QTMAN: variants seen among roughly 807,000 people sequenced by gnomAD.
QTMAN encodes the protein queuosine-tRNA mannosyltransferase, also known as tRNA-queuosine alpha-mannosyltransferase.
chr2:144,075,433 C>T, the QTMAN span, among the ~76,000 whole-genome samples: 1 of 152,158 alleles, frequency 6.6e-6, no homozygotes, highest in African/African-American at 2.4e-5. Flanking sequence ...TTCAAGGTCT[C>T]AAGTATTGGC....
chr2:144,010,084 A>G, the QTMAN span, among the ~76,000 whole-genome samples: 5 of 151,912 alleles, frequency 3.3e-5, no homozygotes, highest in East Asian at 1.9e-4. Flanking sequence ...AAAAAGAAAA[A>G]AAAAATCTAT....
the QTMAN span, among the ~76,000 whole-genome samples, chr2:144,231,181 T>C: frequency 6.6e-6 from 1 of 152,166 alleles, no homozygotes; most frequent in Non-Finnish European, 1.5e-5. Context: ...ATGTACCATA[T>C]GGTTAAGGGA....
At chr2:144,244,243 T>G in the QTMAN span, among the ~76,000 whole-genome samples, 2 of 152,228 alleles carry the variant, frequency 1.3e-5, no homozygotes, top group African/African-American at 2.4e-5. Context: ...AGCACTGCTG[T>G]GATCTACGTG....
chr2:144,112,609 T>G, the QTMAN span, among the ~76,000 whole-genome samples: 2 of 152,200 alleles, frequency 1.3e-5, no homozygotes, highest in African/African-American at 2.4e-5. Context: ...CCCAACACCA[T>G]GGCGAAAACC....
chr2:144,171,359 A>G, the QTMAN span, among the ~76,000 whole-genome samples: 5 of 152,172 alleles, frequency 3.3e-5, no homozygotes, highest in Non-Finnish European at 5.9e-5. Flanking sequence ...TATACTGTGT[A>G]AAGAGGTCTG....
the QTMAN span, among the ~76,000 whole-genome samples, chr2:144,107,605 A>G: frequency 2.0e-5 from 3 of 152,234 alleles, no homozygotes; most frequent in Admixed American, 2.0e-4. Flanking sequence ...AATTGAGGCA[A>G]TAATTCATAG....
the QTMAN span, among the ~76,000 whole-genome samples, chr2:144,026,149 C>T: frequency 1.3e-5 from 2 of 152,072 alleles, no homozygotes; most frequent in Non-Finnish European, 1.5e-5. Context: ...AAAGAACGGA[C>T]TTGGTTGGGA....
chr2:144,317,384 T>TGGAAGGAAGGATGGAAGGAA, the QTMAN span: 4 of 97,372 alleles, frequency 4.1e-5, no homozygotes, highest in Admixed American at 1.2e-4. Context: ...GAAGGAAGGA[T>TGGAAGGAAGGATGGAAGGAA]GGAAGGAAGG....
the QTMAN span, among the ~76,000 whole-genome samples, chr2:144,183,814 C>T: frequency 2.0e-5 from 3 of 152,200 alleles, no homozygotes; most frequent in Non-Finnish European, 2.9e-5. Flanking sequence ...CCTCCCCACC[C>T]CCAACCAACT....
chr2:144,156,621 T>A, the QTMAN span, among the ~76,000 whole-genome samples: 1 of 151,994 alleles, frequency 6.6e-6, no homozygotes, highest in Admixed American at 6.6e-5. Context: ...TTTTTAAAGA[T>A]CAAATGGAGT....
At chr2:144,316,776 A>G in the QTMAN span, among the ~76,000 whole-genome samples, 4 of 152,286 alleles carry the variant, frequency 2.6e-5, no homozygotes, top group South Asian at 8.3e-4. Flanking sequence ...ATCTCCCTAC[A>G]TGTATGCTGG....
chr2:144,232,063 C>A, the QTMAN span, among the ~76,000 whole-genome samples: 48 of 152,178 alleles, frequency 3.2e-4, no homozygotes, highest in Non-Finnish European at 6.0e-4. Flanking sequence ...TATAACTTAA[C>A]AGGCATCCCA....
the QTMAN span, among the ~76,000 whole-genome samples, chr2:143,993,217 A>T: frequency 1.5e-3 from 229 of 152,326 alleles, no homozygotes; most frequent in Middle Eastern, 3.4e-3. Flanking sequence ...TCATCATTAC[A>T]TCTTCAGTGC....
the QTMAN span, among the ~76,000 whole-genome samples, chr2:144,214,480 ATAAC>A: frequency 6.6e-6 from 1 of 152,216 alleles, no homozygotes; most frequent in Non-Finnish European, 1.5e-5. Context: ...TGAACTGCAG[ATAAC>A]TAACACTTGA....
the QTMAN span, among the ~76,000 whole-genome samples, chr2:144,220,539 C>T: frequency 6.6e-6 from 1 of 152,316 alleles, no homozygotes; most frequent in South Asian, 2.1e-4. Flanking sequence ...AGCAGAGACC[C>T]TATAGCCAGA....
the QTMAN span, among the ~76,000 whole-genome samples, chr2:143,956,610 C>G: frequency 2.0e-5 from 3 of 152,020 alleles, no homozygotes; most frequent in African/African-American, 7.2e-5. Flanking sequence ...GCTTTACATT[C>G]AGAAATTTTT....
At chr2:144,326,248 C>T in the QTMAN span, among the ~76,000 whole-genome samples, 1 of 152,162 alleles carries the variant, frequency 6.6e-6, no homozygotes, top group Non-Finnish European at 1.5e-5. Flanking sequence ...AATGTCCTGT[C>T]AGGTGACTGA....
chr2:144,307,530 G>A, the QTMAN span, among the ~76,000 whole-genome samples: 1 of 152,166 alleles, frequency 6.6e-6, no homozygotes, highest in Non-Finnish European at 1.5e-5. Context: ...AGAAGTAACA[G>A]ACACTAATAT....
the QTMAN span, among the ~76,000 whole-genome samples, chr2:144,137,384 T>A: frequency 3.9e-5 from 6 of 152,240 alleles, no homozygotes; most frequent in East Asian, 1.9e-4. Flanking sequence ...TGTTTCTTTT[T>A]TTTTTAACTT....
Sources: gnomAD v4.1 joint callset for allele counts (sites outside exome capture counted in the v4.1 genomes callset) on GRCh38, gnomAD v4.1.1 for gene constraint, MANE v1.5 for transcripts, NCBI Gene and HGNC (gene_info 2026-07-23, HGNC 2026-07-21) for gene names.